TRMT44: variants seen among roughly 807,000 people sequenced by gnomAD.
The protein encoded by TRMT44 is tRNA methyltransferase 44 homolog.
A neutral mutation model predicts 77.3 loss-of-function variants in TRMT44; 78 were observed. The ratio of observed to expected loss-of-function variants is 1.01; its 90% CI spans 0.84 to 1.22. The LOEUF (loss-of-function observed/expected upper bound fraction) is 1.22. Among genes scored for constraint, TRMT44 ranks in the 50% most tolerant of loss-of-function variants. The pLI is 0.00. For missense variants in TRMT44, 1,090 were observed against 964.4 expected (o/e 1.13, Z -1.73); for synonymous variants, 391 against 383.3 (o/e 1.02, Z -0.23).
chr4:8,500,699 C>T, the TRMT44 span, among the ~76,000 whole-genome samples: 2 of 150,990 alleles, frequency 1.3e-5, no homozygotes, highest in Non-Finnish European at 2.9e-5. Flanking sequence ...CTCTGTTGCC[C>T]AGCCTGGAGT....
At chr4:8,502,228 C>G in the TRMT44 span, among the ~76,000 whole-genome samples, 8 of 152,192 alleles carry the variant, frequency 5.3e-5, no homozygotes, top group Admixed American at 5.2e-4. Context: ...CTGAGTGCAT[C>G]CATGGGAATG....
At chr4:8,445,495 C>T (rs539760233) in intron 1 of TRMT44, among the ~76,000 whole-genome samples, 1 of 152,252 alleles carries the variant, frequency 6.6e-6, no homozygotes, top group East Asian at 1.9e-4. Flanking sequence ...TCCCCATGCA[C>T]CTGAGCACAC....
rs1485781853 is a variant in TRMT44 at position 8,440,795 on chromosome 4, T to C, written c.-28T>C. On this transcript the variant is annotated 5_prime_UTR_variant, in exon 1 of 11. Coordinates refer to ENST00000389737, the MANE Select transcript of TRMT44 (RefSeq NM_152544.3). ...GGGCTGCGTCATCTCGGCGCGCCGC[T>C]GCCAGGGCTGTACACCTGCTGGCTG... 4 of 1,391,372 alleles carry C rather than the reference T, an allele frequency of 2.9e-6. No individual in the cohort carries two copies. The highest frequency in any genetic ancestry group is 3.0e-5 in the African/African-American group (2 of 65,878). 86.2% of individuals were successfully genotyped at this position (1,391,372 alleles called of 1,614,324 possible). A position where few individuals can be genotyped will look rare whatever the true frequency, so the allele number is the denominator to read the frequency against.
Position 8,461,638 on chromosome 4 carries a change from A to G in TRMT44, c.1204-2347A>G, listed in dbSNP as rs1470669284. Among the ~76,000 whole-genome samples the G allele has an allele frequency of 1.3e-5, 2 of 152,062 alleles. No individual in the cohort carries two copies. The highest frequency in any genetic ancestry group is 3.9e-4 in the East Asian group (2 of 5,184). On this transcript the variant is annotated intron_variant, in intron 6 of 10. Coordinates refer to ENST00000389737, the MANE Select transcript of TRMT44 (RefSeq NM_152544.3). This position sits in a 1 kb window ranked among gnomAD's most constrained non-coding sequence, Gnocchi z 4.6. ...GGGGAAGACCCTACCCCGAGCACTT[A>G]GTCAGGAAAGGCCTGCTGTTGAGAG...
chr4:8,447,880 C>T (rs1725165437), intron 2 of TRMT44, among the ~76,000 whole-genome samples: 1 of 152,184 alleles, frequency 6.6e-6, no homozygotes, highest in Non-Finnish European at 1.5e-5. Context: ...TGCCCATTAG[C>T]CAGAAAGTGG....
intron 9 of TRMT44, 136 bp downstream of exon 9, chr4:8,468,482 A>G: frequency 1.2e-6 from 1 of 851,034 alleles, no homozygotes; most frequent in Admixed American, 2.4e-5. Context: ...TGGTGGGTGC[A>G]TAGGCTCTCT....
chr4:8,513,590 T>A, the TRMT44 span, among the ~76,000 whole-genome samples: 2 of 152,132 alleles, frequency 1.3e-5, no homozygotes, highest in African/African-American at 4.8e-5. Context: ...CCATGGAGAA[T>A]AAACAGATGT....
At chr4:8,485,799 G>T (rs139766101) in intron 2 of TRMT44, among the ~76,000 whole-genome samples, 2 of 152,186 alleles carry the variant, frequency 1.3e-5, no homozygotes, top group Admixed American at 1.3e-4. Context: ...GTGTATAAAA[G>T]AGTGTTGTCC....
At chr4:8,455,522 G>A (rs1220473641) in intron 6 of TRMT44, among the ~76,000 whole-genome samples, 1 of 152,136 alleles carries the variant, frequency 6.6e-6, no homozygotes, top group South Asian at 2.1e-4. Flanking sequence ...CCTTTTTTAG[G>A]ACTTGAAACA....
chr4:8,501,004 C>A, the TRMT44 span, among the ~76,000 whole-genome samples: 1 of 152,168 alleles, frequency 6.6e-6, no homozygotes, highest in African/African-American at 2.4e-5. The surrounding 1 kb of genome is among the most constrained non-coding windows in gnomAD (Gnocchi z 4.4). Flanking sequence ...GAACCACTTC[C>A]TCAGTGTGGG....
chr4:8,495,289 CTG>C (rs5856013), downstream of TRMT44, among the ~76,000 whole-genome samples: 8,360 of 133,126 alleles, frequency 0.063, 389 homozygotes, highest in African/African-American at 0.15. Context: ...GAGGAGAAAA[CTG>C]AGGCTCAGAG....
downstream of TRMT44, among the ~76,000 whole-genome samples, chr4:8,494,497 G>A (rs576084148): frequency 7.2e-5 from 11 of 152,308 alleles, no homozygotes; most frequent in African/African-American, 2.4e-4. Flanking sequence ...AAGACTGATC[G>A]AGGACTCAAA....
downstream of TRMT44, among the ~76,000 whole-genome samples, chr4:8,494,247 C>A (rs1728091845): frequency 6.6e-6 from 1 of 151,994 alleles, no homozygotes; most frequent in African/African-American, 2.4e-5. Context: ...ACAATTTGTT[C>A]CCTAGGAAAT....
chr4:8,509,976 G>A, the TRMT44 span, among the ~76,000 whole-genome samples: 1 of 152,162 alleles, frequency 6.6e-6, no homozygotes. Context: ...GAGTTTGAGT[G>A]ATTTGGCATC....
At chr4:8,502,680 G>GC in the TRMT44 span, among the ~76,000 whole-genome samples, 17 of 151,374 alleles carry the variant, frequency 1.1e-4, no homozygotes, top group African/African-American at 2.7e-4. Context: ...CTGGCCACAG[G>GC]CCCTCTCCCA....
At chr4:8,498,710 A>G in the TRMT44 span, among the ~76,000 whole-genome samples, 14 of 152,146 alleles carry the variant, frequency 9.2e-5, no homozygotes, top group African/African-American at 2.7e-4. The surrounding 1 kb of genome is among the most constrained non-coding windows in gnomAD (Gnocchi z 4.3). Flanking sequence ...CCTCATTCCC[A>G]GCTGCCTGTG....
intron 8 of TRMT44, among the ~76,000 whole-genome samples, chr4:8,466,296 C>G (rs1449975696): frequency 6.6e-6 from 1 of 152,256 alleles, no homozygotes; most frequent in Admixed American, 6.5e-5. Context: ...GAAGCCTCGG[C>G]TCTGCTGCTG....
In TRMT44 at chr4:8,476,109, T is replaced by G. The variant is rs995231445; in HGVS notation, c.*108T>G. ...TGCTCTGGCTGTGTTTCAGCCCACCTCCTCCCAGCTTTCTCCACATCCTCA... is the reference window on the plus strand; with the variant it reads ...TGCTCTGGCTGTGTTTCAGCCCACCGCCTCCCAGCTTTCTCCACATCCTCA... On this transcript the variant is annotated 3_prime_UTR_variant, in exon 11 of 11. Coordinates refer to ENST00000389737, the MANE Select transcript of TRMT44 (RefSeq NM_152544.3). 1.0e-6 allele frequency: 1 copy of G among 968,008 alleles called. No individual in the cohort carries two copies. Among genetic ancestry groups the G allele is most frequent in the African/African-American group, 1.6e-5 (1 of 61,538 alleles). 60.0% of individuals were successfully genotyped at this position (968,008 alleles called of 1,614,324 possible).
rs774329402 is a variant in TRMT44, at chr4:8,465,362, T to C, written c.1311-16T>C. 24 of 1,600,336 alleles carry C rather than the reference T, an allele frequency of 1.5e-5. No individual in the cohort carries two copies. Among genetic ancestry groups the C allele is most frequent in the East Asian group, 2.2e-5 (1 of 44,746 alleles). On this transcript the variant is annotated splice_polypyrimidine_tract_variant and intron_variant, in intron 7 of 10. Coordinates refer to ENST00000389737, the MANE Select transcript of TRMT44 (RefSeq NM_152544.3). ...CTCAGGATGCTTGACCCTGTGGTTG[T>C]TGGTTCTTTTTGAAGGTCTTCCTAC...
Sources: gnomAD v4.1 joint callset for allele counts (sites outside exome capture counted in the v4.1 genomes callset) on GRCh38, gnomAD v4.1.1 for gene constraint, Gnocchi (gnomAD v3.1) non-coding constraint, MANE v1.5 for transcripts, NCBI Gene and HGNC (gene_info 2026-07-23, HGNC 2026-07-21) for gene names.